The following POLR3H variants were observed in gnomAD, a reference collection of about 807,000 sequenced individuals.
POLR3H encodes RNA polymerase III subunit H.
In POLR3H, 17 loss-of-function variants were observed where a neutral mutation model predicts 25.5. The observed-to-expected ratio is 0.67, with a 90% CI of 0.46 to 1.00. POLR3H has a LOEUF of 1.00. Ranked by LOEUF, POLR3H falls within the 50% of genes least tolerant of loss-of-function variation. The probability of loss-of-function intolerance (pLI) is 0.00; values close to 1 mark genes in which losing one functional copy is unlikely to be tolerated. For synonymous variants in POLR3H, 129 were observed against 103.0 expected (o/e 1.25, Z -1.53); for missense variants, 274 against 265.0 (o/e 1.03, Z -0.24).
chr22:41,529,789 A>G (rs921060690), intron 5 of POLR3H: 4 of 420,852 alleles, frequency 9.5e-6, no homozygotes, highest in African/African-American at 8.7e-5. Context: ...ACAGTCTCGC[A>G]CTGTCACCCG....
At position 41,526,564 on chromosome 22, in the gene POLR3H, C is replaced by T. The variant is rs1217156556; in HGVS notation, c.*2719G>A. On this transcript the variant is annotated 3_prime_UTR_variant, in exon 6 of 6. Coordinates refer to ENST00000355209, the MANE Select transcript of POLR3H (RefSeq NM_001018050.4). ...GAAACTGGGAAGGAGGCCGACCAAG[C>T]CCAAAGGGGACTGCTGTGGAAGGGA... 4.8e-6 allele frequency: 6 copies of T among 1,249,526 alleles called. No homozygotes were observed. Among genetic ancestry groups the T allele is most frequent in the Non-Finnish European group, 6.6e-6 (6 of 912,962 alleles). The allele number at this position is 1,249,526 out of a possible 1,614,324, so 77.4% of individuals were successfully genotyped here. A position where few individuals can be genotyped will look rare whatever the true frequency, so the allele number is the denominator to read the frequency against.
intron 2 of POLR3H, chr22:41,533,387 A>C: frequency 1.7e-6 from 1 of 600,072 alleles, no homozygotes; most frequent in Non-Finnish European, 2.4e-6. Context: ...CGCTGACCTG[A>C]GAATCAGCAC....
Position 41,526,129 on chromosome 22 carries a change from G to C in POLR3H, c.*3154C>G, listed in dbSNP as rs1298480638. On this transcript the variant is annotated 3_prime_UTR_variant, in exon 6 of 6. Coordinates refer to ENST00000355209, the MANE Select transcript of POLR3H (RefSeq NM_001018050.4). ...CACCAGGACCACAGAACACGTGTCT[G>C]AAGACTTGCCTGCCTCTCACCCCTC... is the stretch of plus-strand genomic sequence containing the variant. The C allele has an allele frequency of 1.4e-6, 1 of 732,880 alleles. No individual in the cohort carries two copies. The highest frequency in any genetic ancestry group is 2.2e-6 in the Non-Finnish European group (1 of 445,646). 45.4% of individuals were successfully genotyped at this position (732,880 alleles called of 1,614,324 possible). A position where few individuals can be genotyped will look rare whatever the true frequency, so the allele number is the denominator to read the frequency against.
chr22:41,527,452 A>T lies in POLR3H; in HGVS notation c.*1831T>A. The stretch of plus-strand genomic sequence containing the variant: ...TGGAGTCTGTACCCAGGCCATCCTC[A>T]TCCCATCCCTAGTGATCAAGGTCAC... On this transcript the variant is annotated 3_prime_UTR_variant, in exon 6 of 6. Transcript: ENST00000355209. 1.9e-6 allele frequency: 3 copies of T among 1,585,284 alleles called. No individual in the cohort carries two copies. The highest frequency in any genetic ancestry group is 2.6e-6 in the Non-Finnish European group (3 of 1,166,066).
rs2066601841 is a variant in POLR3H at position 41,526,580 on chromosome 22, G to C, written c.*2703C>G. ...CCGACCAAGCCCAAAGGGGACTGCT[G>C]TGGAAGGGAGGAGAGGCCTGCAGCC... On this transcript the variant is annotated 3_prime_UTR_variant, in exon 6 of 6. Coordinates refer to ENST00000355209, the MANE Select transcript of POLR3H (RefSeq NM_001018050.4). The C allele has an allele frequency of 9.2e-7, 1 of 1,082,462 alleles. No homozygotes were observed. The highest frequency in any genetic ancestry group is 1.3e-6 in the Non-Finnish European group (1 of 775,478). 67.1% of individuals were successfully genotyped at this position (1,082,462 alleles called of 1,614,324 possible).
Position 41,530,878 on chromosome 22 carries a change from C to A in POLR3H, c.370G>T (p.Glu124Ter). Residue 124 changes from glutamate to a stop codon, truncating the protein, a stop_gained, in exon 5 of 6, where the codon GAG becomes TAG. Coordinates refer to ENST00000355209, the MANE Select transcript of POLR3H (RefSeq NM_001018050.4). LOFTEE classifies it high-confidence loss of function. Reference protein sequence around the residue: ...LQQPAKFDEAEQVWVWEYETE... With the variant: ...LQQPAKFDEA ...TCGTACTCCCACACCCACACCTGCT[C>A]CGCTTCGTCGCTGAGGGGGTCCAGG... 1 of 1,613,828 alleles carries A rather than the reference C, an allele frequency of 6.2e-7. No homozygotes were observed. Among genetic ancestry groups the A allele is most frequent in the South Asian group, 1.1e-5 (1 of 91,086 alleles).
In POLR3H at chr22:41,535,322, T is replaced by C. The variant is rs1446698359; in HGVS notation, c.209-2577A>G. Among the ~76,000 whole-genome samples the C allele has an allele frequency of 1.3e-5, 2 of 152,200 alleles. 1 individual carries two copies. The highest frequency in any genetic ancestry group is 4.1e-4 in the South Asian group (2 of 4,832). On this transcript the variant is annotated intron_variant, in intron 2 of 5. Transcript: ENST00000355209. ...CACAACTCTTAATATACAAAGCCAC[T>C]AAATTGTATGCTTTGAAAGGGTGAA... is the stretch of plus-strand genomic sequence containing the variant.
rs1195861373 is a variant in POLR3H at position 41,526,169 on chromosome 22, G to A, written c.*3114C>T. 4.2e-6 allele frequency: 5 copies of A among 1,188,014 alleles called. No homozygotes were observed. Among genetic ancestry groups the A allele is most frequent in the Admixed American group, 2.2e-5 (1 of 44,778 alleles). The allele number at this position is 1,188,014 out of a possible 1,614,324, so 73.6% of individuals were successfully genotyped here. ...TCTCACCCCTCTGTCACCCCTCCTGGGCCCCGGGGCCTGCTGCCTGCCTCT... is the reference window on the plus strand; with the variant it reads ...TCTCACCCCTCTGTCACCCCTCCTGAGCCCCGGGGCCTGCTGCCTGCCTCT... On this transcript the variant is annotated 3_prime_UTR_variant, in exon 6 of 6. Transcript: ENST00000355209.
At position 41,544,250 on chromosome 22, in the gene POLR3H, C is replaced by G. The variant is rs951369423; in HGVS notation, c.-149G>C. On this transcript the variant is annotated 5_prime_UTR_variant, in exon 1 of 6. Coordinates refer to ENST00000355209, the MANE Select transcript of POLR3H (RefSeq NM_001018050.4). Reference sequence around the variant, plus strand: ...GTTGCACGGGGCGGTCTCGGGGGCCCGGTCCGGGCCATGCTCCGCTACTAC... The same window carrying G: ...GTTGCACGGGGCGGTCTCGGGGGCCGGGTCCGGGCCATGCTCCGCTACTAC... 8 of 589,116 alleles carry G rather than the reference C, an allele frequency of 1.4e-5. No individual in the cohort carries two copies. Among genetic ancestry groups the G allele is most frequent in the Admixed American group, 3.1e-5 (1 of 32,556 alleles). 36.5% of individuals were successfully genotyped at this position (589,116 alleles called of 1,614,324 possible).
At chr22:41,533,919 A>G (rs907010527) in intron 2 of POLR3H, among the ~76,000 whole-genome samples, 11 of 152,144 alleles carry the variant, frequency 7.2e-5, no homozygotes, top group African/African-American at 2.4e-4. Context: ...TGGGCAGATC[A>G]CCTGAGGTCA....
At chr22:41,529,522 C>T (rs1327388135) in intron 5 of POLR3H, 186 bp from the exon 6 acceptor site, 15 of 662,680 alleles carry the variant, frequency 2.3e-5, no homozygotes, top group Non-Finnish European at 3.0e-5. Flanking sequence ...GCACGCAGGG[C>T]GCAGACCCTT....
chr22:41,540,370 G>A, intron 2 of POLR3H: 1 of 385,502 alleles, frequency 2.6e-6, no homozygotes, highest in Non-Finnish European at 4.9e-6. Flanking sequence ...GGGAACAGAG[G>A]CCCAGAGAAG....
At chr22:41,531,537 G>A (rs757440702) in intron 4 of POLR3H, among the ~76,000 whole-genome samples, 10 of 152,236 alleles carry the variant, frequency 6.6e-5, no homozygotes, top group Non-Finnish European at 1.3e-4. Context: ...GCCAGGTCCC[G>A]TGCTGTGCAC....
chr22:41,527,559 C>T lies in POLR3H; in HGVS notation c.*1724G>A, dbSNP rs1425058314. On this transcript the variant is annotated 3_prime_UTR_variant, in exon 6 of 6. Transcript: ENST00000355209. ...CAGGCCCGTCAGCCTCTTGCCCCTT[C>T]TTAGGCTCACACAGTGCACATCCGA... The T allele has an allele frequency of 1.6e-6, 2 of 1,217,120 alleles. No individual in the cohort carries two copies. Among genetic ancestry groups the T allele is most frequent in the East Asian group, 4.8e-5 (2 of 41,502 alleles). The allele number at this position is 1,217,120 out of a possible 1,614,324, so 75.4% of individuals were successfully genotyped here. A position where few individuals can be genotyped will look rare whatever the true frequency, so the allele number is the denominator to read the frequency against.
intron 2 of POLR3H, among the ~76,000 whole-genome samples, chr22:41,533,965 AC>A (rs1367858990): frequency 2.0e-5 from 3 of 152,060 alleles, no homozygotes; most frequent in Non-Finnish European, 4.4e-5. Flanking sequence ...ATGATAAAAC[AC>A]CGTCTCTACC....
intron 2 of POLR3H, chr22:41,540,436 C>A: frequency 2.1e-6 from 1 of 473,964 alleles, no homozygotes; most frequent in Non-Finnish European, 3.9e-6. Context: ...TGAGGCCCCA[C>A]GTCTCCCAGC....
chr22:41,527,783 C>G lies in POLR3H; in HGVS notation c.*1500G>C. ...AGACCAGGGCCCCATAGTCACTGCC[C>G]GGGCATTGTCCCAGGCAGCAGGATT... On this transcript the variant is annotated 3_prime_UTR_variant, in exon 6 of 6. Coordinates refer to ENST00000355209, the MANE Select transcript of POLR3H (RefSeq NM_001018050.4). 1 of 1,519,108 alleles carries G rather than the reference C, an allele frequency of 6.6e-7. No homozygotes were observed. The highest frequency in any genetic ancestry group is 8.9e-7 in the Non-Finnish European group (1 of 1,121,322). The allele number at this position is 1,519,108 out of a possible 1,614,324, so 94.1% of individuals were successfully genotyped here.
chr22:41,542,879 T>C (rs533170743), intron 1 of POLR3H, among the ~76,000 whole-genome samples: 1 of 152,246 alleles, frequency 6.6e-6, no homozygotes. Flanking sequence ...GGCAGGTGCC[T>C]GTAATCCCAG....
intron 2 of POLR3H, among the ~76,000 whole-genome samples, chr22:41,534,537 T>G (rs1601953246): frequency 6.6e-6 from 1 of 151,982 alleles, no homozygotes; most frequent in African/African-American, 2.4e-5. Context: ...AGAGGCTGGG[T>G]GAAGGACAGG....
Sources: gnomAD v4.1 joint callset for allele counts (sites outside exome capture counted in the v4.1 genomes callset) on GRCh38, gnomAD v4.1.1 for gene constraint, MANE v1.5 for transcripts, NCBI Gene and HGNC (gene_info 2026-07-23, HGNC 2026-07-21) for gene names.